The following RPN2 variants were observed in gnomAD, a reference collection of about 807,000 sequenced individuals.
RPN2 encodes the protein ribophorin II.
RPN2 carries 29 observed loss-of-function variants against 71.4 expected under a neutral mutation model. The ratio of observed to expected loss-of-function variants is 0.41; its 90% CI spans 0.30 to 0.55. The LOEUF (loss-of-function observed/expected upper bound fraction) is 0.55, where lower values mean the gene tolerates loss of function less well. Ranked by LOEUF, RPN2 falls within the 20% of genes least tolerant of loss-of-function variation. The pLI is 0.35. For synonymous variants in RPN2, 308 were observed against 305.0 expected (o/e 1.01, Z -0.10); for missense variants, 726 against 774.1 (o/e 0.94, Z 0.74).
intron 15 of RPN2, among the ~76,000 whole-genome samples, chr20:37,234,674 TTTTG>T (rs1250636011): frequency 7.4e-6 from 1 of 134,520 alleles, no homozygotes; most frequent in Non-Finnish European, 1.6e-5. Flanking sequence ...GACTTTAATT[TTTTG>T]TTCGTTGTTT....
At chr20:37,221,755 A>G (rs936224114) in intron 9 of RPN2, among the ~76,000 whole-genome samples, 1 of 152,046 alleles carries the variant, frequency 6.6e-6, no homozygotes, top group Non-Finnish European at 1.5e-5. Flanking sequence ...TAATCCTCCT[A>G]CCTCTCCCAA....
In RPN2 at chr20:37,184,237, C is replaced by T. The variant is rs755181709; in HGVS notation, c.71C>T (p.Thr24Met). 3.4e-5 allele frequency: 55 copies of T among 1,614,064 alleles called. No individual in the cohort carries two copies. Among genetic ancestry groups the T allele is most frequent in the Admixed American group, 1.0e-4 (6 of 60,010 alleles). The stretch of plus-strand genomic sequence containing the variant: ...ATCATAGCCAGCACCTGGGCTCTGA[C>T]GCCCACTCACTACCTCACCAAGCAT... ...LTIIASTWAL[T>M]PTHYLTKHDV... Residue 24 changes from threonine (T) to methionine (M), a missense_variant, in exon 2 of 17, where the codon ACG becomes ATG. Thr to Met is a moderately conservative substitution (Grantham distance 81). Coordinates refer to ENST00000237530, the MANE Select transcript of RPN2 (RefSeq NM_002951.5).
chr20:37,238,544 C>A (rs981951220), intron 16 of RPN2: 2 of 880,212 alleles, frequency 2.3e-6, no homozygotes, highest in Non-Finnish European at 3.8e-6. Context: ...TTTCAGCCCA[C>A]TTGCTCCTCC....
intron 2 of RPN2, among the ~76,000 whole-genome samples, chr20:37,193,552 C>G (rs753986282): frequency 6.6e-6 from 1 of 152,138 alleles, no homozygotes; most frequent in African/African-American, 2.4e-5. Context: ...TAGCTAGTAT[C>G]GTGATTCACC....
intron 6 of RPN2, among the ~76,000 whole-genome samples, 190 bp downstream of exon 6, chr20:37,205,091 G>A (rs2067483461): frequency 6.6e-6 from 1 of 152,180 alleles, no homozygotes; most frequent in South Asian, 2.1e-4. Context: ...GGTTGCTAGT[G>A]AGGTAGACGT....
intron 2 of RPN2, 151 bp downstream of exon 2, chr20:37,184,524 G>C (rs1297907214): frequency 2.6e-6 from 2 of 781,374 alleles, no homozygotes; most frequent in Admixed American, 2.1e-5. Context: ...CAGGCGTGGT[G>C]ACTCACGCCT....
At chr20:37,238,438 TAG>T (rs2068459824) in intron 16 of RPN2, 1 of 1,608,090 alleles carries the variant, frequency 6.2e-7, no homozygotes. Flanking sequence ...TGGCAAAATA[TAG>T]GACACTACGG....
intron 12 of RPN2, among the ~76,000 whole-genome samples, 174 bp downstream of exon 12, chr20:37,228,918 C>T (rs977683919): frequency 5.9e-5 from 9 of 152,104 alleles, no homozygotes; most frequent in Non-Finnish European, 1.3e-4. Flanking sequence ...GGGTCATGCA[C>T]GGGGCTTGGC....
intron 7 of RPN2, among the ~76,000 whole-genome samples, chr20:37,208,291 G>A (rs191054299): frequency 3.3e-5 from 5 of 149,994 alleles, no homozygotes; most frequent in Non-Finnish European, 7.4e-5. Context: ...AAAAAATACA[G>A]GCTTTCAGTA....
intron 16 of RPN2, chr20:37,238,484 G>A: frequency 1.3e-6 from 2 of 1,532,074 alleles, no homozygotes; most frequent in Non-Finnish European, 1.8e-6. Flanking sequence ...CCAGAAGCAG[G>A]GTCCCTTCCC....
At chr20:37,188,343 C>T (rs996601601) in intron 2 of RPN2, among the ~76,000 whole-genome samples, 6 of 152,006 alleles carry the variant, frequency 3.9e-5, no homozygotes, top group Admixed American at 6.6e-5. Context: ...TTGGTAGAGA[C>T]GAGGTTTCAC....
intron 16 of RPN2, chr20:37,238,683 T>G (rs2068470370): frequency 1.4e-6 from 1 of 736,292 alleles, no homozygotes; most frequent in Non-Finnish European, 2.5e-6. Context: ...GTGAGCAGCT[T>G]TGGCCTGGCT....
At chr20:37,227,979 A>G (rs2068121862) in intron 11 of RPN2, among the ~76,000 whole-genome samples, 1 of 152,250 alleles carries the variant, frequency 6.6e-6, no homozygotes, top group Non-Finnish European at 1.5e-5. Flanking sequence ...TCAAAGCACA[A>G]GGAAGTTAAG....
At position 37,184,170 on chromosome 20, in the gene RPN2, TC is replaced by T. The variant is rs1568957963; in HGVS notation, c.14-4del. 2 of 1,614,016 alleles carry T rather than the reference TC, an allele frequency of 1.2e-6. No individual in the cohort carries two copies. The highest frequency in any genetic ancestry group is 1.7e-6 in the Non-Finnish European group (2 of 1,179,980). On this transcript the variant is annotated splice_polypyrimidine_tract_variant and intron_variant, in intron 1 of 16. Transcript: ENST00000237530. Reference sequence around the variant, plus strand: ...GTGTAGAGTGTACTGAATGGTTGTTTCCCCCCAAGGTTCAAGCACTGTCTTC... The same window carrying T: ...GTGTAGAGTGTACTGAATGGTTGTTTCCCCCAAGGTTCAAGCACTGTCTTC...
intron 11 of RPN2, among the ~76,000 whole-genome samples, chr20:37,226,767 C>T (rs1284605071): frequency 6.6e-6 from 1 of 152,058 alleles, no homozygotes; most frequent in African/African-American, 2.4e-5. Context: ...CCTAATATGG[C>T]CCCATGTCCA....
intron 2 of RPN2, among the ~76,000 whole-genome samples, chr20:37,187,501 C>CAAAAAAAAAA (rs532495023): frequency 1.1e-4 from 1 of 8,742 alleles, no homozygotes; most frequent in Admixed American, 1.1e-3. Flanking sequence ...GACTCCGTCT[C>CAAAAAAAAAA]AAAAAAAAAA....
chr20:37,213,115 C>A (rs530399371), intron 8 of RPN2, among the ~76,000 whole-genome samples: 1 of 152,140 alleles, frequency 6.6e-6, no homozygotes, highest in African/African-American at 2.4e-5. Flanking sequence ...GTACACCAAC[C>A]TCTTTGTACA....
chr20:37,213,955 C>T (rs1369693050), intron 9 of RPN2, 90 bp downstream of exon 9: 1 of 960,294 alleles, frequency 1.0e-6, no homozygotes, highest in Non-Finnish European at 1.7e-6. Flanking sequence ...GGTGCATTGA[C>T]TTTTCTCTAC....
chr20:37,187,711 G>C (rs1479355598), intron 2 of RPN2, among the ~76,000 whole-genome samples: 1 of 151,832 alleles, frequency 6.6e-6, no homozygotes, highest in Non-Finnish European at 1.5e-5. Flanking sequence ...TGTGATCTCT[G>C]CTCACTGTGA....
Sources: allele counts gnomAD v4.1 joint callset (sites outside exome capture counted in the v4.1 genomes callset), GRCh38; gene constraint gnomAD v4.1.1; transcripts MANE v1.5; gene names NCBI Gene and HGNC (gene_info 2026-07-23, HGNC 2026-07-21).